The following MAP2 variants were observed in gnomAD, a reference collection of about 807,000 sequenced individuals.
MAP2 encodes microtubule-associated protein 2.
In MAP2, 14 loss-of-function variants were observed where a neutral mutation model predicts 137.6. The observed-to-expected ratio is 0.10, with a 90% confidence interval of 0.07 to 0.16. MAP2 has a LOEUF of 0.16. MAP2 is among the 10% of genes least tolerant of loss of function. The pLI, the probability that MAP2 is intolerant of heterozygous loss-of-function variation, is 1.00. For synonymous variants in MAP2, 786 were observed against 782.3 expected (o/e 1.00, Z -0.08); for missense variants, 2,088 against 2,191.5 (o/e 0.95, Z 0.94).
intron 11 of MAP2, 143 bp downstream of exon 11, chr2:209,700,481 G>A: frequency 1.6e-6 from 1 of 634,698 alleles, no homozygotes; most frequent in Non-Finnish European, 2.7e-6. Context: ...GATTCTCCGT[G>A]GCATCCAGGC....
chr2:209,730,135 C>T (rs1437429496), intron 15 of MAP2, 47 bp from the exon 16 acceptor site: 3 of 1,468,214 alleles, frequency 2.0e-6, no homozygotes, highest in Non-Finnish European at 2.9e-6. Context: ...AGGTAGGGGC[C>T]AGTTAAGATG....
intron 2 of MAP2, among the ~76,000 whole-genome samples, chr2:209,522,694 A>T (rs540313066): frequency 6.6e-6 from 1 of 152,140 alleles, no homozygotes; most frequent in South Asian, 2.1e-4. Flanking sequence ...TTAAAGCTCC[A>T]TATGGAAGTT....
chr2:209,621,134 G>A (rs1231486225), intron 3 of MAP2, among the ~76,000 whole-genome samples: 2 of 151,720 alleles, frequency 1.3e-5, no homozygotes, highest in Non-Finnish European at 2.9e-5. Flanking sequence ...GGCGGAGGTT[G>A]CAGTGAGCCG....
intron 1 of MAP2, among the ~76,000 whole-genome samples, chr2:209,437,033 C>T (rs1696477289): frequency 6.6e-6 from 1 of 151,706 alleles, no homozygotes; most frequent in Admixed American, 6.6e-5. Context: ...ATGGCATGGC[C>T]TTTCAATCAT....
At chr2:209,661,159 C>A (rs1301989524) in intron 5 of MAP2, among the ~76,000 whole-genome samples, 2 of 152,198 alleles carry the variant, frequency 1.3e-5, no homozygotes, top group African/African-American at 4.8e-5. Context: ...GCTTTTCAAT[C>A]TCAGAAGATT....
At chr2:209,592,435 G>T (rs930172765) in intron 3 of MAP2, among the ~76,000 whole-genome samples, 1 of 151,960 alleles carries the variant, frequency 6.6e-6, no homozygotes, top group African/African-American at 2.4e-5. Context: ...ATTTCCTTTT[G>T]GTTTGACTGG....
intron 1 of MAP2, among the ~76,000 whole-genome samples, chr2:209,480,724 A>T (rs1708522413): frequency 6.6e-6 from 1 of 152,204 alleles, no homozygotes; most frequent in Non-Finnish European, 1.5e-5. Flanking sequence ...AAATAGAAAA[A>T]ATTTTAAAGA....
intron 2 of MAP2, among the ~76,000 whole-genome samples, chr2:209,551,863 G>T (rs1000997323): frequency 4.6e-5 from 7 of 151,936 alleles, no homozygotes; most frequent in African/African-American, 1.7e-4. Flanking sequence ...TGTGAAGTAG[G>T]GACTTACTAA....
At chr2:209,597,902 A>G (rs1203559650) in intron 3 of MAP2, among the ~76,000 whole-genome samples, 1 of 152,060 alleles carries the variant, frequency 6.6e-6, no homozygotes, top group Non-Finnish European at 1.5e-5. Context: ...ACCATTATAT[A>G]CTTTCAGAGC....
intron 2 of MAP2, among the ~76,000 whole-genome samples, chr2:209,532,170 G>A (rs1221090929): frequency 6.6e-6 from 1 of 151,438 alleles, no homozygotes; most frequent in African/African-American, 2.4e-5. Flanking sequence ...TCTGGGAGGT[G>A]GAGGCTGCAG....
At chr2:209,661,785 A>G (rs921173419) in intron 5 of MAP2, 4 of 642,082 alleles carry the variant, frequency 6.2e-6, no homozygotes, top group Non-Finnish European at 7.7e-6. Context: ...GTTGATGAAT[A>G]GGATTTGAAC....
chr2:209,489,058 G>A (rs1009196873), intron 1 of MAP2, among the ~76,000 whole-genome samples: 1 of 152,144 alleles, frequency 6.6e-6, no homozygotes, highest in Non-Finnish European at 1.5e-5. Flanking sequence ...GCATCTGGTG[G>A]GTGTCCATCT....
At chr2:209,516,821 T>C (rs887221545) in intron 2 of MAP2, among the ~76,000 whole-genome samples, 4 of 152,096 alleles carry the variant, frequency 2.6e-5, no homozygotes, top group Non-Finnish European at 5.9e-5. Context: ...GAAATTAAGA[T>C]GTAAATTAGT....
intron 13 of MAP2, chr2:209,721,993 G>A (rs2071268264): frequency 6.6e-6 from 1 of 152,140 alleles, no homozygotes; most frequent in Admixed American, 6.5e-5. Context: ...GATGGGAATG[G>A]GCACATTTAT....
chr2:209,650,158 A>G (rs2094688573), intron 4 of MAP2, among the ~76,000 whole-genome samples: 1 of 152,138 alleles, frequency 6.6e-6, no homozygotes, highest in African/African-American at 2.4e-5. Context: ...GGGTGCTTAT[A>G]TTGTTGTATT....
At chr2:209,596,464 A>G (rs533314063) in intron 3 of MAP2, among the ~76,000 whole-genome samples, 1 of 152,334 alleles carries the variant, frequency 6.6e-6, no homozygotes, top group South Asian at 2.1e-4. Flanking sequence ...TGCAGAGGAT[A>G]AGTCGCCAGC....
At chr2:209,667,534 A>C (rs1357447035) in intron 5 of MAP2, among the ~76,000 whole-genome samples, 1 of 152,000 alleles carries the variant, frequency 6.6e-6, no homozygotes, top group Non-Finnish European at 1.5e-5. Context: ...TGAAATACTG[A>C]CATTGTAATT....
At chr2:209,664,790 T>C (rs1245626666) in intron 5 of MAP2, among the ~76,000 whole-genome samples, 2 of 151,398 alleles carry the variant, frequency 1.3e-5, no homozygotes, top group Non-Finnish European at 2.9e-5. Context: ...TGAAATCCCA[T>C]CTCTACTAAA....
intron 3 of MAP2, among the ~76,000 whole-genome samples, chr2:209,618,828 C>A (rs1035289732): frequency 9.9e-5 from 15 of 152,182 alleles, no homozygotes; most frequent in African/African-American, 3.6e-4. Flanking sequence ...GATATCTACA[C>A]TCCTATGATG....
Sources: allele counts gnomAD v4.1 joint callset (sites outside exome capture counted in the v4.1 genomes callset), GRCh38; gene constraint gnomAD v4.1.1; transcripts MANE v1.5; gene names NCBI Gene and HGNC (gene_info 2026-07-23, HGNC 2026-07-21).